The following ARHGAP24 variants were observed in gnomAD, a reference collection of about 807,000 sequenced individuals.
ARHGAP24 encodes the protein Rho GTPase activating protein 24.
In ARHGAP24, 50 loss-of-function variants were observed where a neutral mutation model predicts 76.4. The observed-to-expected ratio is 0.65, with a 90% CI of 0.52 to 0.83. ARHGAP24 has a LOEUF of 0.83. ARHGAP24 is among the 40% of genes least tolerant of loss of function. The pLI is 0.00. For synonymous variants in ARHGAP24, 345 were observed against 323.3 expected (o/e 1.07, Z -0.72); for missense variants, 930 against 914.2 (o/e 1.02, Z -0.22).
intron 1 of ARHGAP24, among the ~76,000 whole-genome samples, chr4:85,525,991 T>C (rs1724976778): frequency 6.6e-6 from 1 of 152,192 alleles, no homozygotes; most frequent in Non-Finnish European, 1.5e-5. Flanking sequence ...TGTATATTTT[T>C]TAATTCTTTT....
At chr4:85,677,259 G>A (rs1324810835) in intron 2 of ARHGAP24, among the ~76,000 whole-genome samples, 1 of 152,078 alleles carries the variant, frequency 6.6e-6, no homozygotes, top group African/African-American at 2.4e-5. Context: ...TATATGTTAT[G>A]TTTATGTACA....
intron 1 of ARHGAP24, among the ~76,000 whole-genome samples, chr4:85,507,214 TTTA>T (rs201247390): frequency 4.3e-4 from 66 of 152,064 alleles, no homozygotes; most frequent in African/African-American, 1.1e-3. Context: ...TTAAAAATAT[TTTA>T]TTATTATTAT....
intron 2 of ARHGAP24, among the ~76,000 whole-genome samples, chr4:85,656,744 G>A (rs1422981910): frequency 6.6e-6 from 1 of 152,028 alleles, no homozygotes; most frequent in Non-Finnish European, 1.5e-5. Flanking sequence ...GGGATTACAG[G>A]TGTGAGCCAC....
chr4:85,898,956 C>T (rs1183448793), intron 3 of ARHGAP24, among the ~76,000 whole-genome samples: 1 of 152,064 alleles, frequency 6.6e-6, no homozygotes, highest in Non-Finnish European at 1.5e-5. Flanking sequence ...GTTGGCCGGG[C>T]TAGTCTCGAA....
chr4:85,621,748 T>C (rs987662604), intron 2 of ARHGAP24, among the ~76,000 whole-genome samples: 1 of 152,208 alleles, frequency 6.6e-6, no homozygotes, highest in African/African-American at 2.4e-5. Context: ...TATTCTGCTG[T>C]GCGCAAGCTC....
intron 1 of ARHGAP24, among the ~76,000 whole-genome samples, chr4:85,517,097 C>T (rs1038542047): frequency 1.3e-5 from 2 of 152,062 alleles, no homozygotes; most frequent in Non-Finnish European, 2.9e-5. Flanking sequence ...TGGTCCATTT[C>T]GGGATTTTCC....
intron 2 of ARHGAP24, among the ~76,000 whole-genome samples, chr4:85,610,451 C>CAAAAAAAAAAAAAAAAAA (rs57348830): frequency 7.8e-5 from 4 of 51,240 alleles, no homozygotes; most frequent in Middle Eastern, 0.025. Context: ...ACTCCATCTA[C>CAAAAAAAAAAAAAAAAAA]AAAAAAAAAA....
chr4:85,997,402 A>C (rs943394204), intron 9 of ARHGAP24, among the ~76,000 whole-genome samples: 9 of 115,162 alleles, frequency 7.8e-5, no homozygotes, highest in Non-Finnish European at 1.6e-4. Context: ...ATAGATAGAT[A>C]GATAGATAGA....
rs183678527 is a variant in ARHGAP24 at position 85,934,097 on chromosome 4, C to T, written c.392-7969C>T. 4.7e-4 allele frequency among the ~76,000 whole-genome samples: 72 copies of T among 152,350 alleles called. 1 individual carries two copies. In the East Asian group the frequency reaches 0.013, roughly 27 times the overall value. ...ACCTCTGTGCACCCCCAGCACTCTT[C>T]ACAAATTCCTACAACACACAAGCCA... On this transcript the variant is annotated intron_variant, in intron 4 of 9. Coordinates refer to ENST00000395184, the MANE Select transcript of ARHGAP24 (RefSeq NM_001025616.3).
At chr4:85,670,509 G>A (rs1288397351) in intron 2 of ARHGAP24, among the ~76,000 whole-genome samples, 1 of 152,158 alleles carries the variant, frequency 6.6e-6, no homozygotes, top group African/African-American at 2.4e-5. Context: ...CTGAACAGTT[G>A]AGAACTTGAG....
In ARHGAP24 at chr4:85,625,007, T is replaced by G. The variant is rs186387964; in HGVS notation, c.180+54286T>G. Among the ~76,000 whole-genome samples the G allele has an allele frequency of 6.6e-3, 1,001 of 152,302 alleles. 8 individuals are homozygous for G. Among genetic ancestry groups the G allele is most frequent in the Middle Eastern group, 0.017 (5 of 294 alleles). ...GCTAGCAGTCTATCAATTTTGTTGATCTTTTCAAAAAACCAGCTCCTGAAT... is the reference window on the plus strand; with the variant it reads ...GCTAGCAGTCTATCAATTTTGTTGAGCTTTTCAAAAAACCAGCTCCTGAAT... On this transcript the variant is annotated intron_variant, in intron 2 of 9. Transcript: ENST00000395184.
intron 3 of ARHGAP24, chr4:85,827,850 A>C: frequency 8.3e-7 from 1 of 1,209,438 alleles, no homozygotes; most frequent in Non-Finnish European, 1.1e-6. Flanking sequence ...GTGAGCAAAC[A>C]CAGTAGGACC....
intron 3 of ARHGAP24, among the ~76,000 whole-genome samples, chr4:85,890,818 G>C (rs932476054): frequency 3.3e-5 from 5 of 152,152 alleles, no homozygotes; most frequent in Non-Finnish European, 7.4e-5. Context: ...TTTTTAAGCA[G>C]AAAAGTTATT....
intron 3 of ARHGAP24, among the ~76,000 whole-genome samples, chr4:85,764,476 G>C (rs892577135): frequency 5.9e-5 from 9 of 152,096 alleles, no homozygotes; most frequent in Admixed American, 1.3e-4. Flanking sequence ...AACCTTTATT[G>C]ATATCATTAA....
At chr4:85,547,046 A>G (rs902231083) in intron 1 of ARHGAP24, among the ~76,000 whole-genome samples, 4 of 152,202 alleles carry the variant, frequency 2.6e-5, no homozygotes, top group Non-Finnish European at 4.4e-5. Context: ...CAGTTATGAA[A>G]TGATCAAAAA....
chr4:85,858,761 T>C (rs1677618728), intron 3 of ARHGAP24, among the ~76,000 whole-genome samples: 1 of 152,142 alleles, frequency 6.6e-6, no homozygotes, highest in African/African-American at 2.4e-5. Flanking sequence ...GAAGGTGATC[T>C]GTACAAACGG....
intron 3 of ARHGAP24, among the ~76,000 whole-genome samples, chr4:85,888,986 T>C (rs1345183918): frequency 1.3e-5 from 2 of 152,206 alleles, no homozygotes; most frequent in East Asian, 1.9e-4. Context: ...TAGTTTTCCA[T>C]AGGGTATATG....
intron 2 of ARHGAP24, among the ~76,000 whole-genome samples, chr4:85,621,206 T>A (rs1425800273): frequency 1.3e-5 from 2 of 152,098 alleles, no homozygotes; most frequent in African/African-American, 4.8e-5. Context: ...GACTCTGCTA[T>A]TGTGAATAGT....
At chr4:85,980,494 A>G (rs1739594822) in intron 8 of ARHGAP24, among the ~76,000 whole-genome samples, 1 of 152,214 alleles carries the variant, frequency 6.6e-6, no homozygotes. Flanking sequence ...TCTCAGGATA[A>G]CAATACCAAC....
Sources: gnomAD v4.1 joint callset for allele counts (sites outside exome capture counted in the v4.1 genomes callset) on GRCh38, gnomAD v4.1.1 for gene constraint, MANE v1.5 for transcripts, NCBI Gene and HGNC (gene_info 2026-07-23, HGNC 2026-07-21) for gene names.